Variants in WWOX observed in about 807,000 individuals in gnomAD.
WWOX encodes the protein WW domain containing oxidoreductase, also known as WW domain-containing oxidoreductase.
WWOX carries 69 observed loss-of-function variants against 46.2 expected under a neutral mutation model. The ratio of observed to expected loss-of-function variants is 1.49; its 90% CI spans 1.23 to 1.82. WWOX has a LOEUF of 1.82. WWOX is among the 40% of genes most tolerant of loss of function. The pLI is 0.00. For missense variants in WWOX, 919 were observed against 542.6 expected, an observed-to-expected ratio of 1.69 and a Z score of -6.89; for synonymous variants, 359 against 202.6, an observed-to-expected ratio of 1.77 and a Z score of -6.56.
intron 8 of WWOX, among the ~76,000 whole-genome samples, chr16:78,556,337 C>T (rs1342864496): frequency 6.6e-6 from 1 of 151,694 alleles, no homozygotes; most frequent in Non-Finnish European, 1.5e-5. Flanking sequence ...GGCTTGCTGG[C>T]TGTCAGGATC....
At chr16:78,801,352 A>G (rs1343898077) in intron 8 of WWOX, among the ~76,000 whole-genome samples, 2 of 152,102 alleles carry the variant, frequency 1.3e-5, no homozygotes, top group Admixed American at 6.5e-5. Context: ...TCTACTAAAA[A>G]TACAAAAATT....
chr16:78,867,854 C>G (rs140173470), intron 8 of WWOX, among the ~76,000 whole-genome samples: 21 of 152,286 alleles, frequency 1.4e-4, no homozygotes, highest in African/African-American at 4.6e-4. Context: ...GACATGCCTA[C>G]TAGCTTAGCT....
intron 8 of WWOX, among the ~76,000 whole-genome samples, chr16:78,853,113 T>A (rs906485629): frequency 2.0e-5 from 3 of 152,384 alleles, no homozygotes; most frequent in Admixed American, 2.0e-4. Flanking sequence ...GTGTTTAATT[T>A]GTTGCATAAC....
intron 8 of WWOX, among the ~76,000 whole-genome samples, chr16:78,764,550 C>A (rs968717285): frequency 7.1e-6 from 1 of 141,104 alleles, no homozygotes; most frequent in African/African-American, 2.6e-5. Context: ...GTTGACATTT[C>A]TCCTTTGGCC....
At chr16:78,481,082 A>T (rs1474789646) in intron 8 of WWOX, among the ~76,000 whole-genome samples, 1 of 152,238 alleles carries the variant, frequency 6.6e-6, no homozygotes, top group Admixed American at 6.5e-5. Flanking sequence ...AAATTAGCAA[A>T]GAGAAATTTG....
rs971667923 is a variant in WWOX, at chr16:78,865,805, G to A, written c.1057-345803G>A. On this transcript the variant is annotated intron_variant, in intron 8 of 8. Coordinates refer to ENST00000566780, the MANE Select transcript of WWOX (RefSeq NM_016373.4). ...GGAGGCAGGAGAATCACTTGAACTC[G>A]GAAGGCAGAGTTTGCAGTGAGCCAG... Among the ~76,000 whole-genome samples the A allele has an allele frequency of 9.9e-5, 15 of 152,168 alleles. 1 individual carries two copies. The highest frequency in any genetic ancestry group is 1.9e-4 in the East Asian group (1 of 5,188).
chr16:78,768,454 G>C (rs1456083167), intron 8 of WWOX, among the ~76,000 whole-genome samples: 1 of 151,962 alleles, frequency 6.6e-6, no homozygotes, highest in Non-Finnish European at 1.5e-5. Context: ...GCCAGGTGTG[G>C]TGGCGCACGC....
At chr16:79,169,673 C>G (rs2050662777) in intron 8 of WWOX, among the ~76,000 whole-genome samples, 1 of 152,186 alleles carries the variant, frequency 6.6e-6, no homozygotes, top group African/African-American at 2.4e-5. Context: ...GGTAGGTTGT[C>G]CAAGACAAAT....
intron 8 of WWOX, among the ~76,000 whole-genome samples, chr16:78,878,130 C>T (rs2044270543): frequency 1.3e-5 from 2 of 152,170 alleles, no homozygotes; most frequent in South Asian, 4.1e-4. Context: ...AATACAACTG[C>T]CCTGCCTCTT....
At chr16:78,511,546 A>G (rs1031692125) in intron 8 of WWOX, among the ~76,000 whole-genome samples, 1 of 152,182 alleles carries the variant, frequency 6.6e-6, no homozygotes, top group Non-Finnish European at 1.5e-5. Context: ...AACAAAATGG[A>G]TTCGAGTGAT....
At chr16:78,947,059 C>T (rs1490125635) in intron 8 of WWOX, among the ~76,000 whole-genome samples, 2 of 148,652 alleles carry the variant, frequency 1.3e-5, no homozygotes, top group African/African-American at 2.5e-5. Context: ...AAGAAAGTTT[C>T]TTTTTTTAAA....
At chr16:79,020,365 A>G (rs571693958) in intron 8 of WWOX, among the ~76,000 whole-genome samples, 6 of 152,248 alleles carry the variant, frequency 3.9e-5, no homozygotes, top group South Asian at 2.1e-4. Flanking sequence ...GTGGTTATGA[A>G]TTCCGGCTCT....
chr16:78,144,680 C>T (rs2034138582), intron 4 of WWOX, among the ~76,000 whole-genome samples: 2 of 150,112 alleles, frequency 1.3e-5, no homozygotes, highest in South Asian at 4.3e-4. Context: ...GCTACCATGC[C>T]CGGCTGATTT....
chr16:78,373,757 C>G (rs551604204), intron 5 of WWOX, among the ~76,000 whole-genome samples: 2 of 151,984 alleles, frequency 1.3e-5, no homozygotes, highest in East Asian at 3.9e-4. Context: ...TCTTCACTAC[C>G]AAGTTTTTCT....
chr16:78,453,707 AT>A (rs908941103), intron 8 of WWOX, among the ~76,000 whole-genome samples: 10 of 152,078 alleles, frequency 6.6e-5, no homozygotes, highest in African/African-American at 2.4e-4. Context: ...ACACTGATCA[AT>A]TTTTTTCATG....
intron 5 of WWOX, among the ~76,000 whole-genome samples, chr16:78,193,279 C>G (rs1303810781): frequency 6.6e-6 from 1 of 152,194 alleles, no homozygotes; most frequent in African/African-American, 2.4e-5. Context: ...TTCACTTGAC[C>G]AAAGATGGTT....
chr16:78,570,917 GC>G lies in WWOX; in HGVS notation c.1056+138167del, dbSNP rs541837744. ...TGAGAAGGAGCTGGCAGTGTGAATAGCCAGGGGAAAAGTGTTTTGGGTAGAA... is the reference window on the plus strand; with the variant it reads ...TGAGAAGGAGCTGGCAGTGTGAATAGCAGGGGAAAAGTGTTTTGGGTAGAA... On this transcript the variant is annotated intron_variant, in intron 8 of 8. Coordinates refer to ENST00000566780, the MANE Select transcript of WWOX (RefSeq NM_016373.4). 2.3e-3 allele frequency among the ~76,000 whole-genome samples: 353 copies of G among 152,290 alleles called. 2 individuals are homozygous for G. The highest frequency in any genetic ancestry group is 3.6e-3 in the Non-Finnish European group (242 of 68,036).
intron 8 of WWOX, among the ~76,000 whole-genome samples, chr16:78,478,917 T>C (rs558339260): frequency 7.7e-4 from 118 of 152,336 alleles, no homozygotes; most frequent in African/African-American, 2.5e-3. Context: ...AGTATTTAAT[T>C]TGGTTTTGAT....
intron 8 of WWOX, among the ~76,000 whole-genome samples, chr16:78,984,090 G>C (rs756217443): frequency 2.0e-5 from 3 of 151,992 alleles, no homozygotes; most frequent in Non-Finnish European, 2.9e-5. Context: ...GTCTTAGCCA[G>C]GATGGTCTCG....
Sources: gnomAD v4.1 joint callset for allele counts (sites outside exome capture counted in the v4.1 genomes callset) on GRCh38, gnomAD v4.1.1 for gene constraint, MANE v1.5 for transcripts, NCBI Gene and HGNC (gene_info 2026-07-23, HGNC 2026-07-21) for gene names.